Variants in PDE3B observed in about 807,000 individuals in gnomAD.
PDE3B encodes the protein phosphodiesterase 3B.
Under a neutral mutation model 116.8 loss-of-function variants are expected in PDE3B, and 66 were observed. The ratio of observed to expected loss-of-function variants is 0.56; its 90% CI spans 0.46 to 0.69. The LOEUF is 0.69. Among genes scored for constraint, PDE3B ranks in the 30% least tolerant of loss-of-function variants. The pLI is 0.00. For synonymous variants in PDE3B, 595 were observed against 533.6 expected (o/e 1.12, Z -1.59); for missense variants, 1,384 against 1,368.1 (o/e 1.01, Z -0.18).
At chr11:14,747,843 G>C (rs1856956752) in intron 1 of PDE3B, among the ~76,000 whole-genome samples, 1 of 152,116 alleles carries the variant, frequency 6.6e-6, no homozygotes, top group Non-Finnish European at 1.5e-5. Context: ...TTAAGTAGCA[G>C]GTGTTTCATA....
At chr11:14,827,646 C>T (rs955068779) in intron 7 of PDE3B, among the ~76,000 whole-genome samples, 1 of 152,126 alleles carries the variant, frequency 6.6e-6, no homozygotes. Context: ...TTACAAAACA[C>T]TGCTCAAAGA....
chr11:14,704,816 T>C (rs1590074882), intron 1 of PDE3B, among the ~76,000 whole-genome samples: 1 of 151,440 alleles, frequency 6.6e-6, no homozygotes, highest in Admixed American at 6.6e-5. Context: ...GAAGAAAACA[T>C]AGAACACAGA....
chr11:14,848,231 C>A (rs1280825690), intron 12 of PDE3B, among the ~76,000 whole-genome samples: 1 of 139,316 alleles, frequency 7.2e-6, no homozygotes, highest in Non-Finnish European at 1.5e-5. Context: ...GAACCAAAGA[C>A]AAAAACCACA....
At chr11:14,646,467 C>T (rs1191947449) in intron 1 of PDE3B, among the ~76,000 whole-genome samples, 1 of 152,166 alleles carries the variant, frequency 6.6e-6, no homozygotes, top group Non-Finnish European at 1.5e-5. Flanking sequence ...ATAGATAGTA[C>T]TTTAGGAAAA....
chr11:14,815,938 TACAC>T (rs35596025), intron 5 of PDE3B, among the ~76,000 whole-genome samples: 2,502 of 146,192 alleles, frequency 0.017, 30 homozygotes, highest in Non-Finnish European at 0.023. Flanking sequence ...ATTATATTTA[TACAC>T]ACACACACAC....
chr11:14,781,283 A>G (rs536910307), intron 2 of PDE3B, among the ~76,000 whole-genome samples: 1 of 152,348 alleles, frequency 6.6e-6, no homozygotes, highest in Non-Finnish European at 1.5e-5. Context: ...AATCAATAGA[A>G]AAAGAGGGAA....
intron 1 of PDE3B, among the ~76,000 whole-genome samples, chr11:14,749,845 TTATTTATATA>T (rs1160512418): frequency 7.3e-6 from 1 of 137,864 alleles, no homozygotes. Flanking sequence ...ATATATATAT[TTATTTATATA>T]TATTTAAAAT....
chr11:14,762,112 G>C (rs1002649040), intron 1 of PDE3B, among the ~76,000 whole-genome samples: 4 of 151,456 alleles, frequency 2.6e-5, no homozygotes, highest in African/African-American at 7.3e-5. Flanking sequence ...TTTAAGACCA[G>C]TTTGGGCAAC....
intron 1 of PDE3B, among the ~76,000 whole-genome samples, chr11:14,770,016 C>T (rs1356232256): frequency 6.6e-6 from 1 of 151,228 alleles, no homozygotes; most frequent in African/African-American, 2.4e-5. Flanking sequence ...TTGAGTTAGC[C>T]AGAAATCAAC....
intron 1 of PDE3B, among the ~76,000 whole-genome samples, chr11:14,723,404 A>G (rs1045592958): frequency 2.0e-5 from 3 of 152,302 alleles, no homozygotes; most frequent in East Asian, 3.9e-4. Flanking sequence ...CAATAAATAC[A>G]TATTTACAGA....
chr11:14,817,756 T>C (rs913879439), intron 5 of PDE3B, among the ~76,000 whole-genome samples: 15 of 152,154 alleles, frequency 9.9e-5, no homozygotes, highest in Admixed American at 3.9e-4. Context: ...AAAGAGAATT[T>C]AAATAAAATT....
intron 5 of PDE3B, among the ~76,000 whole-genome samples, chr11:14,805,990 C>A (rs1346181654): frequency 2.0e-5 from 3 of 152,150 alleles, no homozygotes; most frequent in Non-Finnish European, 4.4e-5. Context: ...AGTCAGGAAA[C>A]AACAGATGCT....
chr11:14,758,020 A>G (rs1363783409), intron 1 of PDE3B, among the ~76,000 whole-genome samples: 1 of 151,972 alleles, frequency 6.6e-6, no homozygotes, highest in African/African-American at 2.4e-5. Flanking sequence ...CTTTCTACAT[A>G]TGGCTAGCCA....
chr11:14,745,947 T>G (rs1032035992), intron 1 of PDE3B, among the ~76,000 whole-genome samples: 1 of 152,240 alleles, frequency 6.6e-6, no homozygotes, highest in African/African-American at 2.4e-5. Context: ...ATAGCATCCA[T>G]GATAGTTATT....
Position 14,825,206 on chromosome 11 carries a change from C to T in PDE3B, c.1808-5492C>T, listed in dbSNP as rs545365535. 1.5e-4 allele frequency among the ~76,000 whole-genome samples: 23 copies of T among 152,152 alleles called. 2 individuals are homozygous for T. In the South Asian group the frequency reaches 4.6e-3, roughly 30 times the overall value. On this transcript the variant is annotated intron_variant, in intron 7 of 15. Transcript: ENST00000282096. ...AAAAAACACAGTTAAGTACACAGACCCAGTGATGTAAAGCTACCACACAAG... is the reference window on the plus strand; with the variant it reads ...AAAAAACACAGTTAAGTACACAGACTCAGTGATGTAAAGCTACCACACAAG...
intron 1 of PDE3B, among the ~76,000 whole-genome samples, chr11:14,658,693 G>A (rs1203078099): frequency 3.9e-5 from 6 of 152,172 alleles, no homozygotes; most frequent in African/African-American, 7.2e-5. Context: ...ATAGTTGCAT[G>A]GAATGTACAT....
intron 10 of PDE3B, among the ~76,000 whole-genome samples, chr11:14,834,674 C>T (rs1859998153): frequency 6.6e-6 from 1 of 152,156 alleles, no homozygotes; most frequent in Non-Finnish European, 1.5e-5. Context: ...TCTCTGTAAT[C>T]CAGACACTAC....
chr11:14,838,674 T>A (rs1860136175), intron 11 of PDE3B, among the ~76,000 whole-genome samples: 1 of 152,300 alleles, frequency 6.6e-6, no homozygotes, highest in Non-Finnish European at 1.5e-5. Flanking sequence ...CCTGCAGATC[T>A]TAGGGGAATA....
chr11:14,730,542 G>A (rs1273234122), intron 1 of PDE3B, among the ~76,000 whole-genome samples: 4 of 152,096 alleles, frequency 2.6e-5, no homozygotes, highest in Non-Finnish European at 5.9e-5. Context: ...CAGAGACTTG[G>A]TTGGACACAT....
Sources: allele counts gnomAD v4.1 joint callset (sites outside exome capture counted in the v4.1 genomes callset), GRCh38; gene constraint gnomAD v4.1.1; transcripts MANE v1.5; gene names NCBI Gene and HGNC (gene_info 2026-07-23, HGNC 2026-07-21).